The following ZFYVE28 variants were observed in gnomAD, a reference collection of about 807,000 sequenced individuals.
ZFYVE28 encodes zinc finger FYVE-type containing 28, also known as lateral signaling target protein 2 homolog.
ZFYVE28 carries 40 observed loss-of-function variants against 82.1 expected under a neutral mutation model. The observed-to-expected ratio is 0.49, with a 90% CI of 0.38 to 0.63. The LOEUF (loss-of-function observed/expected upper bound fraction) is 0.63, where lower values mean the gene tolerates loss of function less well. ZFYVE28 is among the 30% of genes least tolerant of loss of function. The pLI is 0.00. For synonymous variants in ZFYVE28, 612 were observed against 546.1 expected, an observed-to-expected ratio of 1.12 and a Z score of -1.68; for missense variants, 1,321 against 1,242.1, an observed-to-expected ratio of 1.06 and a Z score of -0.96.
chr4:2,346,198 C>T (rs577164006), intron 2 of ZFYVE28, among the ~76,000 whole-genome samples: 17 of 150,070 alleles, frequency 1.1e-4, no homozygotes, highest in Admixed American at 1.3e-4. Context: ...AAAAATTAGC[C>T]GGGCGTGGTG....
rs544810692 is a variant in ZFYVE28 at position 2,413,586 on chromosome 4, A to G, written c.39+4699T>C. On this transcript the variant is annotated intron_variant, in intron 1 of 12. Transcript: ENST00000290974. ...GCTCAGCCTGTGCAGCATCCGGAAC[A>G]CTGGCTTTCCAGCAGCTCACCTCAG... Among the ~76,000 whole-genome samples, 7 of 152,278 alleles carry G rather than the reference A, an allele frequency of 4.6e-5. No individual in the cohort carries two copies. In the South Asian group the frequency reaches 1.4e-3, roughly 32 times the overall value.
intron 7 of ZFYVE28, among the ~76,000 whole-genome samples, chr4:2,318,419 A>G (rs1395223477): frequency 3.9e-5 from 6 of 152,178 alleles, no homozygotes; most frequent in East Asian, 1.9e-4. Flanking sequence ...TTAGCCGGGC[A>G]TGGTGGCGTA....
intron 8 of ZFYVE28, among the ~76,000 whole-genome samples, chr4:2,299,018 T>G (rs1715085829): frequency 6.6e-6 from 1 of 152,258 alleles, no homozygotes; most frequent in South Asian, 2.1e-4. Flanking sequence ...GGAACAGACT[T>G]GTTTCTAGAA....
intron 8 of ZFYVE28, among the ~76,000 whole-genome samples, chr4:2,301,357 C>T (rs1251526875): frequency 6.6e-6 from 1 of 152,206 alleles, no homozygotes; most frequent in African/African-American, 2.4e-5. Context: ...CCTCCGGGCA[C>T]AGTGCTGGGC....
Position 2,409,394 on chromosome 4 carries a change from C to G in ZFYVE28, c.39+8891G>C, listed in dbSNP as rs1340383644. Reference sequence around the variant, plus strand: ...GGACCCCGCAAACAGCAGTGCTGACCCCATCATGCCCCCACCTTCCTTGCC... The same window carrying G: ...GGACCCCGCAAACAGCAGTGCTGACGCCATCATGCCCCCACCTTCCTTGCC... On this transcript the variant is annotated intron_variant, in intron 1 of 12. Transcript: ENST00000290974. This position sits in a 1 kb window ranked among gnomAD's most constrained non-coding sequence, Gnocchi z 4.4. Among the ~76,000 whole-genome samples, 1 of 152,160 alleles carries G rather than the reference C, an allele frequency of 6.6e-6. No homozygotes were observed. The highest frequency in any genetic ancestry group is 1.5e-5 in the Non-Finnish European group (1 of 68,028).
At chr4:2,314,775 A>T (rs1381589099) in intron 7 of ZFYVE28, among the ~76,000 whole-genome samples, 3 of 152,008 alleles carry the variant, frequency 2.0e-5, no homozygotes, top group African/African-American at 4.8e-5. Context: ...CATGTTCTTC[A>T]GTCTCTCTTG....
At chr4:2,342,233 T>A (rs1722933642) in intron 2 of ZFYVE28, among the ~76,000 whole-genome samples, 1 of 152,176 alleles carries the variant, frequency 6.6e-6, no homozygotes, top group African/African-American at 2.4e-5. Flanking sequence ...GCAGATCAAT[T>A]ACAGCAACGC....
At chr4:2,338,389 G>A (rs1010635095) in intron 4 of ZFYVE28, among the ~76,000 whole-genome samples, 1 of 152,240 alleles carries the variant, frequency 6.6e-6, no homozygotes, top group African/African-American at 2.4e-5. Context: ...TCAGGCATTT[G>A]AGACCAGGCT....
chr4:2,358,860 G>A (rs868615234), intron 1 of ZFYVE28, among the ~76,000 whole-genome samples: 9 of 151,890 alleles, frequency 5.9e-5, no homozygotes, highest in Admixed American at 3.3e-4. Flanking sequence ...AGAGTGCAGC[G>A]GTGTGATCAC....
chr4:2,277,547 A>G (rs1047523494), intron 8 of ZFYVE28, among the ~76,000 whole-genome samples: 3 of 152,190 alleles, frequency 2.0e-5, no homozygotes, highest in Non-Finnish European at 4.4e-5. Context: ...TGGTAGCAAT[A>G]AACTGAAAGT....
chr4:2,410,023 AT>A (rs980259064), intron 1 of ZFYVE28, among the ~76,000 whole-genome samples: 1 of 151,562 alleles, frequency 6.6e-6, no homozygotes. Flanking sequence ...CTATTTTCCT[AT>A]TTTTTTTTAT....
At chr4:2,290,616 G>A (rs1159147146) in intron 8 of ZFYVE28, among the ~76,000 whole-genome samples, 2 of 152,232 alleles carry the variant, frequency 1.3e-5, no homozygotes, top group African/African-American at 4.8e-5. Context: ...TGGCCCCAGA[G>A]CAGCTGCTGA....
At chr4:2,357,704 T>C (rs1725539873) in intron 1 of ZFYVE28, among the ~76,000 whole-genome samples, 1 of 152,184 alleles carries the variant, frequency 6.6e-6, no homozygotes, top group African/African-American at 2.4e-5. Context: ...TGCAGCTCGC[T>C]GACGAGACAC....
At chr4:2,358,178 A>G (rs1363343373) in intron 1 of ZFYVE28, among the ~76,000 whole-genome samples, 1 of 152,230 alleles carries the variant, frequency 6.6e-6, no homozygotes, top group Non-Finnish European at 1.5e-5. Flanking sequence ...ATGTACACAC[A>G]TGCACCTGTC....
chr4:2,317,187 C>T (rs1005394782), intron 7 of ZFYVE28, among the ~76,000 whole-genome samples: 1 of 151,498 alleles, frequency 6.6e-6, no homozygotes, highest in South Asian at 2.1e-4. Context: ...GGGGTTTTGC[C>T]ATGTTGGCTG....
rs1474499639 is a variant in ZFYVE28 at position 2,362,024 on chromosome 4, C to T, written c.40-7951G>A. Among the ~76,000 whole-genome samples, 3 of 152,176 alleles carry T rather than the reference C, an allele frequency of 2.0e-5. No individual in the cohort carries two copies. Among genetic ancestry groups the T allele is most frequent in the Middle Eastern group, 3.4e-3 (1 of 294 alleles). On this transcript the variant is annotated intron_variant, in intron 1 of 12. Transcript: ENST00000290974. This position sits in a 1 kb window ranked among gnomAD's most constrained non-coding sequence, Gnocchi z 5.1. ...AGTCCAGCTCCTACTGCCTCCCTCC[C>T]CACACAGCTGAACCCAGGACATAAG...
intron 11 of ZFYVE28, 47 bp downstream of exon 11, chr4:2,271,628 C>T (rs922251240): frequency 6.3e-6 from 10 of 1,581,756 alleles, no homozygotes; most frequent in Middle Eastern, 1.7e-4. Context: ...TCCCACAGCC[C>T]CCACTGGTGT....
intron 6 of ZFYVE28, among the ~76,000 whole-genome samples, chr4:2,323,164 C>T (rs1022895730): frequency 3.9e-5 from 6 of 152,196 alleles, no homozygotes; most frequent in African/African-American, 1.4e-4. Flanking sequence ...TTTTACACTC[C>T]TGCCAGCAAT....
At chr4:2,390,309 G>A (rs1729694514) in intron 1 of ZFYVE28, among the ~76,000 whole-genome samples, 1 of 152,186 alleles carries the variant, frequency 6.6e-6, no homozygotes, top group Non-Finnish European at 1.5e-5. Flanking sequence ...CCTGATTGTG[G>A]ACTTCGGGCC....
Sources: allele counts gnomAD v4.1 joint callset (sites outside exome capture counted in the v4.1 genomes callset), GRCh38; gene constraint gnomAD v4.1.1; non-coding constraint Gnocchi (gnomAD v3.1); transcripts MANE v1.5; gene names NCBI Gene and HGNC (gene_info 2026-07-23, HGNC 2026-07-21).